The following DMD variants were observed in gnomAD, a reference collection of about 807,000 sequenced individuals.
DMD encodes dystrophin.
In DMD, 63 loss-of-function variants were observed where a neutral mutation model predicts 330.1. The observed-to-expected ratio is 0.19, with a 90% CI of 0.16 to 0.24. The LOEUF is 0.24. Ranked by LOEUF, DMD falls within the 10% of genes least tolerant of loss-of-function variation. The pLI is 1.00. For missense variants in DMD, 3,344 were observed against 2,684.1 expected (o/e 1.25, Z -5.43); for synonymous variants, 1,223 against 959.8 (o/e 1.27, Z -5.07).
intron 3 of DMD, among the ~76,000 whole-genome samples, chrX:32,848,111 G>C (rs984704719): frequency 2.7e-5 from 3 of 111,909 alleles, no homozygotes; most frequent in African/African-American, 9.8e-5. Context: ...CCAGAGGATT[G>C]CAACACAGGA....
At chrX:31,739,714 C>T (rs1283386773) in intron 51 of DMD, among the ~76,000 whole-genome samples, 2 of 108,710 alleles carry the variant, frequency 1.8e-5, no homozygotes, top group African/African-American at 6.7e-5. Context: ...CACCATGATA[C>T]ATGTATACCT....
chrX:32,703,280 G>T (rs972171400), intron 7 of DMD, among the ~76,000 whole-genome samples: 3 of 111,548 alleles, frequency 2.7e-5, no homozygotes, highest in Non-Finnish European at 3.8e-5. Flanking sequence ...TATTTAAGAT[G>T]TTATGAAGCC....
chrX:32,760,232 ACTT>A (rs1261774939), intron 7 of DMD, among the ~76,000 whole-genome samples: 9 of 111,979 alleles, frequency 8.0e-5, no homozygotes, highest in Admixed American at 1.9e-4. Flanking sequence ...GTAACACAGG[ACTT>A]CTTTTTACAC....
intron 18 of DMD, among the ~76,000 whole-genome samples, chrX:32,507,734 T>C (rs1322508052): frequency 1.8e-5 from 2 of 111,893 alleles, no homozygotes; most frequent in Non-Finnish European, 3.8e-5. Context: ...AGATTCCTTA[T>C]ACTACCAAAT....
intron 1 of DMD, among the ~76,000 whole-genome samples, chrX:33,073,394 A>G (rs2094789368): frequency 8.9e-6 from 1 of 112,133 alleles, no homozygotes; most frequent in Non-Finnish European, 1.9e-5. Flanking sequence ...AAATTTCTCC[A>G]CTTTGTATGT....
chrX:32,656,187 A>G (rs771153724), intron 9 of DMD, among the ~76,000 whole-genome samples: 4 of 111,847 alleles, frequency 3.6e-5, no homozygotes, highest in African/African-American at 1.3e-4. Context: ...AACGCATCCA[A>G]CTTCGTCATT....
chrX:32,540,828 A>G (rs920078911), intron 17 of DMD, among the ~76,000 whole-genome samples: 1 of 112,082 alleles, frequency 8.9e-6, no homozygotes, highest in Admixed American at 9.5e-5. Context: ...TAGACATAAA[A>G]TTAGTGGAGA....
chrX:31,283,963 T>C (rs968418201), intron 62 of DMD, among the ~76,000 whole-genome samples: 1 of 112,092 alleles, frequency 8.9e-6, no homozygotes, highest in African/African-American at 3.2e-5. Flanking sequence ...TCATCATAAG[T>C]TGAAAATATT....
intron 71 of DMD, among the ~76,000 whole-genome samples, chrX:31,175,919 T>C (rs1436542500): frequency 1.8e-5 from 2 of 111,531 alleles, no homozygotes; most frequent in African/African-American, 6.5e-5. Flanking sequence ...TAAAGTAATA[T>C]GACAAACACA....
chrX:31,955,746 A>G, intron 45 of DMD, among the ~76,000 whole-genome samples: 1 of 112,357 alleles, frequency 8.9e-6, no homozygotes, highest in South Asian at 3.7e-4. Context: ...TATCACCCAC[A>G]GTAGATTTTG....
intron 44 of DMD, among the ~76,000 whole-genome samples, chrX:32,207,462 G>A (rs1254360741): frequency 9.0e-6 from 1 of 111,653 alleles, no homozygotes; most frequent in Non-Finnish European, 1.9e-5. Flanking sequence ...CTAGTCTTAG[G>A]TACTTTGTTA....
chrX:31,327,461 G>A (rs1308543341), intron 61 of DMD, among the ~76,000 whole-genome samples: 1 of 107,955 alleles, frequency 9.3e-6, no homozygotes, highest in African/African-American at 3.7e-5. Flanking sequence ...GATGCACCCT[G>A]GTGTTAAGTC....
intron 62 of DMD, among the ~76,000 whole-genome samples, chrX:31,287,310 C>T (rs1055844299): frequency 8.9e-6 from 1 of 111,792 alleles, no homozygotes; most frequent in South Asian, 3.8e-4. Flanking sequence ...TCATTAGACC[C>T]CAATCTGAAA....
chrX:32,473,415 G>A (rs1437607156), intron 21 of DMD, among the ~76,000 whole-genome samples: 1 of 111,324 alleles, frequency 9.0e-6, no homozygotes, highest in East Asian at 2.8e-4. Flanking sequence ...ACAGATAATG[G>A]CTAATAATGT....
chrX:32,272,612 C>T (rs1382343388), intron 43 of DMD, among the ~76,000 whole-genome samples: 4 of 111,419 alleles, frequency 3.6e-5, no homozygotes, highest in Non-Finnish European at 5.7e-5. Flanking sequence ...ACTGGGGTCA[C>T]GATATAGACT....
intron 60 of DMD, among the ~76,000 whole-genome samples, chrX:31,383,247 G>A (rs985929762): frequency 6.3e-5 from 7 of 111,099 alleles, no homozygotes; most frequent in African/African-American, 2.3e-4. Flanking sequence ...CTTATAGAAC[G>A]GCCCTACCCC....
At chrX:31,763,549 C>T (rs949651793) in intron 51 of DMD, among the ~76,000 whole-genome samples, 1 of 111,501 alleles carries the variant, frequency 9.0e-6, no homozygotes, top group Admixed American at 9.5e-5. Context: ...GGCAACAGTG[C>T]GAGACTCCAT....
At chrX:32,355,161 A>G (rs2097794777) in intron 37 of DMD, among the ~76,000 whole-genome samples, 1 of 111,547 alleles carries the variant, frequency 9.0e-6, no homozygotes, top group African/African-American at 3.3e-5. Context: ...GTATAACGAA[A>G]TCACTGTATT....
intron 29 of DMD, among the ~76,000 whole-genome samples, chrX:32,424,230 T>G (rs1447647031): frequency 9.1e-6 from 1 of 110,122 alleles, no homozygotes; most frequent in Non-Finnish European, 1.9e-5. Flanking sequence ...AAAGGTTTTT[T>G]GCAGAGCATT....
Sources: allele counts gnomAD v4.1 joint callset (sites outside exome capture counted in the v4.1 genomes callset), GRCh38; gene constraint gnomAD v4.1.1; transcripts MANE v1.5; gene names NCBI Gene and HGNC (gene_info 2026-07-23, HGNC 2026-07-21).